PROCR: variants seen among roughly 807,000 people sequenced by gnomAD.
PROCR encodes the protein protein C receptor.
Under a neutral mutation model 24.2 loss-of-function variants are expected in PROCR, and 22 were observed. The ratio of observed to expected loss-of-function variants is 0.91; its 90% CI spans 0.65 to 1.30. The LOEUF (loss-of-function observed/expected upper bound fraction) is 1.30. Among genes scored for constraint, PROCR ranks in the 50% most tolerant of loss-of-function variants. The pLI, the probability that PROCR is intolerant of heterozygous loss-of-function variation, is 0.00. For synonymous variants in PROCR, 137 were observed against 139.2 expected, an observed-to-expected ratio of 0.98 and a Z score of 0.11; for missense variants, 288 against 307.7, an observed-to-expected ratio of 0.94 and a Z score of 0.48.
intron 1 of PROCR, among the ~76,000 whole-genome samples, chr20:35,205,272 C>CAATAATAATAAT (rs74173939): frequency 6.8e-5 from 10 of 147,236 alleles, no homozygotes; most frequent in South Asian, 2.2e-4. Flanking sequence ...GACTCCATCT[C>CAATAATAATAAT]AATAATAATA....
Position 35,172,230 on chromosome 20 carries a change from T to C in PROCR, c.70+6T>C. On this transcript the variant is annotated splice_donor_region_variant and intron_variant, in intron 1 of 3. Coordinates refer to ENST00000216968, the MANE Select transcript of PROCR (RefSeq NM_006404.5). ...TAGCCAAGACGCCTCAGATGGTGAG[T>C]CGGGGGCACATCTCCTGCCTCAGGA... 1 of 1,613,960 alleles carries C rather than the reference T, an allele frequency of 6.2e-7. No homozygotes were observed. The highest frequency in any genetic ancestry group is 8.5e-7 in the Non-Finnish European group (1 of 1,179,904).
chr20:35,178,521 T>G (rs1414693788), downstream of PROCR, among the ~76,000 whole-genome samples: 1 of 51,962 alleles, frequency 1.9e-5, no homozygotes, highest in Non-Finnish European at 3.5e-5. Flanking sequence ...TTTTTTTTTT[T>G]TTTTTTTTTT....
chr20:35,175,092 G>T lies in PROCR; in HGVS notation c.322+139G>T, dbSNP rs1028468910. ...CAGCCACTGGAGCTCGGTGGCGCCT[G>T]GGCCTTTGAAGATTGCTGGGTGGGG... is the stretch of plus-strand genomic sequence containing the variant. On this transcript the variant is annotated intron_variant, in intron 2 of 3. Coordinates refer to ENST00000216968, the MANE Select transcript of PROCR (RefSeq NM_006404.5). 17 of 1,071,452 alleles carry T rather than the reference G, an allele frequency of 1.6e-5. 1 individual carries two copies. The highest frequency in any genetic ancestry group is 3.1e-5 in the Admixed American group (1 of 32,564). 66.4% of individuals were successfully genotyped at this position (1,071,452 alleles called of 1,614,324 possible).
At chr20:35,192,836 A>G (rs1236107612) in intron 1 of PROCR, among the ~76,000 whole-genome samples, 1 of 152,202 alleles carries the variant, frequency 6.6e-6, no homozygotes, top group African/African-American at 2.4e-5. Flanking sequence ...TGCTCTGTCA[A>G]TAGCAGTATT....
Position 35,177,077 on chromosome 20 carries a change from T to C in PROCR, c.*264T>C. On this transcript the variant is annotated 3_prime_UTR_variant, in exon 4 of 4. Transcript: ENST00000216968. ...ATAAGTGAATGTTTATCTATCTTTG[T>C]GGAAAACAGATAATGGAGTTGGGGC... The C allele has an allele frequency of 8.0e-7, 1 of 1,257,480 alleles. No homozygotes were observed. Among genetic ancestry groups the C allele is most frequent in the Non-Finnish European group, 1.0e-6 (1 of 987,752 alleles). 77.9% of individuals were successfully genotyped at this position (1,257,480 alleles called of 1,614,324 possible).
chr20:35,176,082 C>A, intron 2 of PROCR, 86 bp from the exon 3 acceptor site: 1 of 1,457,260 alleles, frequency 6.9e-7, no homozygotes, highest in Non-Finnish European at 9.6e-7. Flanking sequence ...CTCTTGCCTT[C>A]TCATGTTCTT....
At chr20:35,201,083 A>G (rs1367477323) in intron 1 of PROCR, among the ~76,000 whole-genome samples, 1 of 152,108 alleles carries the variant, frequency 6.6e-6, no homozygotes, top group Non-Finnish European at 1.5e-5. Context: ...GTGAGATGTC[A>G]GTGTTTTACT....
chr20:35,211,783 G>A (rs2060363345), intron 1 of PROCR, among the ~76,000 whole-genome samples: 1 of 152,100 alleles, frequency 6.6e-6, no homozygotes, highest in Non-Finnish European at 1.5e-5. Flanking sequence ...GAAGGCTGAG[G>A]CAGGAGGATC....
intron 3 of PROCR, 60 bp from the exon 4 acceptor site, chr20:35,176,638 C>T (rs1207455666): frequency 1.3e-6 from 2 of 1,571,020 alleles, no homozygotes. Flanking sequence ...TGGGGTTTGA[C>T]TCAAATCATG....
At chr20:35,183,000 GGAAA>G (rs1371449074) in intron 1 of PROCR, among the ~76,000 whole-genome samples, 11 of 135,980 alleles carry the variant, frequency 8.1e-5, no homozygotes, top group East Asian at 6.4e-4. Flanking sequence ...AAAAAAAAAA[GGAAA>G]GAAAGAAAGA....
intron 1 of PROCR, among the ~76,000 whole-genome samples, chr20:35,189,811 T>A (rs145217661): frequency 1.3e-3 from 205 of 152,316 alleles, no homozygotes; most frequent in African/African-American, 4.8e-3. Context: ...ATACCCTTGT[T>A]CATCTTTGTA....
intron 1 of PROCR, among the ~76,000 whole-genome samples, chr20:35,200,582 T>C (rs990266471): frequency 6.6e-6 from 1 of 152,228 alleles, no homozygotes; most frequent in African/African-American, 2.4e-5. Flanking sequence ...CAATGTCTAA[T>C]GTAATTAGAC....
chr20:35,179,335 G>T (rs1319316916), downstream of PROCR, among the ~76,000 whole-genome samples: 1 of 151,538 alleles, frequency 6.6e-6, no homozygotes, highest in African/African-American at 2.4e-5. Flanking sequence ...TGAGCTCAGG[G>T]GTTTGAGACC....
intron 1 of PROCR, among the ~76,000 whole-genome samples, chr20:35,186,119 T>C (rs1475477448): frequency 6.6e-6 from 1 of 152,236 alleles, no homozygotes; most frequent in East Asian, 1.9e-4. Context: ...ACATGAATGT[T>C]CACAGAAGCA....
At chr20:35,182,476 CATTA>C (rs773984792) in intron 1 of PROCR, among the ~76,000 whole-genome samples, 13 of 152,118 alleles carry the variant, frequency 8.5e-5, no homozygotes, top group South Asian at 2.1e-4. Context: ...TATCTCACAT[CATTA>C]ATTTATTTAC....
At position 35,188,800 on chromosome 20, in the gene PROCR, A is replaced by G. The variant is rs573195940; in HGVS notation, c.94+12354A>G. 3.9e-5 allele frequency among the ~76,000 whole-genome samples: 6 copies of G among 152,330 alleles called. No homozygotes were observed. In the South Asian group the frequency reaches 8.3e-4, roughly 21 times the overall value. ...TAACTATTTACTCCTCTAGGACAAA[A>G]TACCCTTGGGTTGTGGGAAGTCAGG... is the stretch of plus-strand genomic sequence containing the variant. On this transcript the variant is annotated intron_variant, in intron 1 of 1. Coordinates refer to the PROCR transcript ENST00000634509.
At chr20:35,190,192 T>G (rs1057408574) in intron 1 of PROCR, among the ~76,000 whole-genome samples, 1 of 152,170 alleles carries the variant, frequency 6.6e-6, no homozygotes, top group Non-Finnish European at 1.5e-5. Context: ...CTGTTGTATG[T>G]GTACTGGCAT....
downstream of PROCR, among the ~76,000 whole-genome samples, chr20:35,180,376 T>C (rs1034678491): frequency 6.6e-6 from 1 of 152,328 alleles, no homozygotes; most frequent in Admixed American, 6.5e-5. Context: ...AGGACAGTCC[T>C]GCACAAGATC....
chr20:35,210,044 T>C (rs1298232355), intron 1 of PROCR, among the ~76,000 whole-genome samples: 1 of 151,976 alleles, frequency 6.6e-6, no homozygotes, highest in South Asian at 2.1e-4. Flanking sequence ...CTGGGCAACA[T>C]AGAGAAACTC....
Sources: allele counts gnomAD v4.1 joint callset (sites outside exome capture counted in the v4.1 genomes callset), GRCh38; gene constraint gnomAD v4.1.1; transcripts MANE v1.5; gene names NCBI Gene and HGNC (gene_info 2026-07-23, HGNC 2026-07-21).